Variants in EPHA6 observed in about 807,000 individuals in gnomAD.
EPHA6 encodes ephrin type-A receptor 6.
A neutral mutation model predicts 112.0 loss-of-function variants in EPHA6; 50 were observed. That is an observed-to-expected ratio of 0.45 (90% CI 0.36 to 0.56). The LOEUF (loss-of-function observed/expected upper bound fraction) is 0.56. Ranked by LOEUF, EPHA6 falls within the 20% of genes least tolerant of loss-of-function variation. The pLI, the probability that EPHA6 is intolerant of heterozygous loss-of-function variation, is 0.00. For synonymous variants in EPHA6, 529 were observed against 490.7 expected (o/e 1.08, Z -1.03); for missense variants, 1,280 against 1,417.4 (o/e 0.90, Z 1.56).
At chr3:97,589,863 T>C (rs942844725) in intron 11 of EPHA6, among the ~76,000 whole-genome samples, 1 of 152,218 alleles carries the variant, frequency 6.6e-6, no homozygotes, top group Middle Eastern at 3.2e-3. Context: ...ACATTTTAGA[T>C]TTCATTTACT....
chr3:97,739,982 T>G (rs2035430147), intron 16 of EPHA6, among the ~76,000 whole-genome samples: 1 of 152,134 alleles, frequency 6.6e-6, no homozygotes, highest in African/African-American at 2.4e-5. Flanking sequence ...AGGCCAAGGT[T>G]GTGTGTAGAA....
intron 2 of EPHA6, among the ~76,000 whole-genome samples, chr3:96,975,730 CTT>C (rs2042495778): frequency 1.3e-5 from 2 of 152,150 alleles, no homozygotes; most frequent in African/African-American, 4.8e-5. Flanking sequence ...CCATCCATCT[CTT>C]TGTCATCCAT....
intron 3 of EPHA6, among the ~76,000 whole-genome samples, chr3:97,107,777 A>G (rs2047611789): frequency 6.6e-6 from 1 of 152,140 alleles, no homozygotes; most frequent in South Asian, 2.1e-4. Context: ...TAAATATAGC[A>G]TATGCCACAT....
chr3:97,631,440 G>T (rs1045953485), intron 13 of EPHA6, among the ~76,000 whole-genome samples: 3 of 151,798 alleles, frequency 2.0e-5, no homozygotes, highest in Non-Finnish European at 4.4e-5. Context: ...TCAAGTCAAA[G>T]GTTTGGAATT....
intron 5 of EPHA6, among the ~76,000 whole-genome samples, chr3:97,400,162 G>A (rs546342360): frequency 3.3e-5 from 5 of 151,492 alleles, no homozygotes; most frequent in South Asian, 2.1e-4. Context: ...GCATGTGGAC[G>A]TACAGTTTTC....
At chr3:96,843,411 G>A (rs1275360804) in intron 1 of EPHA6, among the ~76,000 whole-genome samples, 1 of 152,018 alleles carries the variant, frequency 6.6e-6, no homozygotes, top group Non-Finnish European at 1.5e-5. Flanking sequence ...TTAAATACAT[G>A]TTTACTTAAA....
At chr3:97,362,662 G>C (rs1402648608) in intron 5 of EPHA6, among the ~76,000 whole-genome samples, 1 of 151,526 alleles carries the variant, frequency 6.6e-6, no homozygotes, top group Non-Finnish European at 1.5e-5. Context: ...GCTATTTTTT[G>C]AAAAAATACA....
intron 3 of EPHA6, among the ~76,000 whole-genome samples, chr3:97,070,121 A>T (rs1313143302): frequency 6.6e-6 from 1 of 152,098 alleles, no homozygotes; most frequent in African/African-American, 2.4e-5. Flanking sequence ...CTCCTATTTG[A>T]CTACTCAGTT....
chr3:97,701,543 T>C (rs1221388264), intron 14 of EPHA6, among the ~76,000 whole-genome samples: 1 of 152,044 alleles, frequency 6.6e-6, no homozygotes, highest in Non-Finnish European at 1.5e-5. Flanking sequence ...TAACAACTAA[T>C]AAAAATTCTA....
At chr3:97,585,678 G>T (rs1297126633) in intron 11 of EPHA6, among the ~76,000 whole-genome samples, 1 of 152,154 alleles carries the variant, frequency 6.6e-6, no homozygotes, top group Non-Finnish European at 1.5e-5. Flanking sequence ...AACACTGTGG[G>T]TTGGGGTTAG....
chr3:97,156,967 C>T (rs561943355), intron 3 of EPHA6, among the ~76,000 whole-genome samples: 1 of 152,072 alleles, frequency 6.6e-6, no homozygotes, highest in East Asian at 1.9e-4. Flanking sequence ...TATTATTTAG[C>T]ACAGCAACTT....
At chr3:97,309,441 A>T (rs971450354) in intron 5 of EPHA6, among the ~76,000 whole-genome samples, 18 of 151,794 alleles carry the variant, frequency 1.2e-4, no homozygotes, top group Admixed American at 9.2e-4. Flanking sequence ...AAAACTAAAT[A>T]TCAACTATTT....
intron 11 of EPHA6, among the ~76,000 whole-genome samples, chr3:97,534,452 A>ACCC (rs371535555): frequency 1.9e-5 from 2 of 107,202 alleles, no homozygotes; most frequent in African/African-American, 7.8e-5. Context: ...TTTAAAACCC[A>ACCC]CCCCCCCCTT....
At chr3:97,583,919 A>G (rs1037436990) in intron 11 of EPHA6, among the ~76,000 whole-genome samples, 4 of 152,178 alleles carry the variant, frequency 2.6e-5, no homozygotes, top group Non-Finnish European at 4.4e-5. Context: ...ATGTTTTTTC[A>G]AGTTCACTCG....
intron 11 of EPHA6, among the ~76,000 whole-genome samples, chr3:97,544,955 T>C (rs1361457545): frequency 6.6e-6 from 1 of 152,212 alleles, no homozygotes; most frequent in Non-Finnish European, 1.5e-5. Context: ...CTTCTCTCTT[T>C]TCTTCTTTAT....
intron 2 of EPHA6, among the ~76,000 whole-genome samples, chr3:96,895,320 A>G (rs2038208199): frequency 6.6e-6 from 1 of 152,174 alleles, no homozygotes; most frequent in Admixed American, 6.5e-5. Context: ...AGATGTAAAG[A>G]AAAAAGTATT....
intron 11 of EPHA6, among the ~76,000 whole-genome samples, chr3:97,548,731 A>C (rs2092991605): frequency 6.6e-6 from 1 of 152,182 alleles, no homozygotes; most frequent in South Asian, 2.1e-4. Flanking sequence ...GTACGCAAGC[A>C]CCCTAGTTGG....
chr3:96,827,252 CA>C (rs1326545646), intron 1 of EPHA6, among the ~76,000 whole-genome samples: 1 of 152,098 alleles, frequency 6.6e-6, no homozygotes, highest in Non-Finnish European at 1.5e-5. Flanking sequence ...AGCTAGAAAG[CA>C]GTTGAAAGAA....
At chr3:97,581,421 CT>C (rs1276083404) in intron 11 of EPHA6, among the ~76,000 whole-genome samples, 1 of 152,146 alleles carries the variant, frequency 6.6e-6, no homozygotes, top group Non-Finnish European at 1.5e-5. Context: ...CAATTAACCC[CT>C]ATATGCAACA....
Sources: allele counts gnomAD v4.1 joint callset (sites outside exome capture counted in the v4.1 genomes callset), GRCh38; gene constraint gnomAD v4.1.1; transcripts MANE v1.5; gene names NCBI Gene and HGNC (gene_info 2026-07-23, HGNC 2026-07-21).